Variants in TBC1D5 observed in about 807,000 individuals in gnomAD.
TBC1D5 encodes the protein TBC1 domain family member 5.
Under a neutral mutation model 100.3 loss-of-function variants are expected in TBC1D5, and 75 were observed. The observed-to-expected ratio is 0.75, with a 90% CI of 0.62 to 0.91. TBC1D5 has a LOEUF of 0.91. Ranked by LOEUF, TBC1D5 falls within the 40% of genes least tolerant of loss-of-function variation. The pLI is 0.00. For missense variants in TBC1D5, 910 were observed against 942.4 expected, an observed-to-expected ratio of 0.97 and a Z score of 0.45; for synonymous variants, 323 against 325.6, an observed-to-expected ratio of 0.99 and a Z score of 0.09.
chr3:17,474,601 C>T (rs980070077), intron 3 of TBC1D5, among the ~76,000 whole-genome samples: 1 of 152,114 alleles, frequency 6.6e-6, no homozygotes, highest in Non-Finnish European at 1.5e-5. Context: ...CGACTCCAAT[C>T]TTCAGAAGAT....
chr3:17,419,997 A>G (rs1473868541), intron 4 of TBC1D5, among the ~76,000 whole-genome samples: 2 of 152,002 alleles, frequency 1.3e-5, no homozygotes, highest in Non-Finnish European at 2.9e-5. Flanking sequence ...GCCTTCCCCT[A>G]GTTCTTGATA....
chr3:17,507,252 C>T (rs73153070), intron 3 of TBC1D5, among the ~76,000 whole-genome samples: 10,468 of 152,020 alleles, frequency 0.069, 707 homozygotes, highest in African/African-American at 0.18. Flanking sequence ...GGTGTCATGC[C>T]TAGCACTGAG....
intron 8 of TBC1D5, among the ~76,000 whole-genome samples, chr3:17,402,525 A>G (rs2093673885): frequency 6.6e-6 from 1 of 152,122 alleles, no homozygotes; most frequent in African/African-American, 2.4e-5. Flanking sequence ...ATCCCCATTT[A>G]ACACAAGAGG....
chr3:17,544,650 GA>G (rs11294217), intron 2 of TBC1D5, among the ~76,000 whole-genome samples: 2,781 of 86,196 alleles, frequency 0.032, 89 homozygotes, highest in African/African-American at 0.1. Flanking sequence ...GACTCCGTCT[GA>G]AAAAAAAAAA....
At chr3:17,229,626 G>A (rs62249396) in intron 17 of TBC1D5, among the ~76,000 whole-genome samples, 5,558 of 152,176 alleles carry the variant, frequency 0.037, 108 homozygotes, top group Middle Eastern at 0.071. Context: ...CTATGCAACA[G>A]GTGCTGTGAT....
chr3:17,360,316 A>G (rs2091585599), intron 13 of TBC1D5, among the ~76,000 whole-genome samples: 1 of 152,060 alleles, frequency 6.6e-6, no homozygotes. Context: ...CAACCACTGT[A>G]AAGTCACAGT....
chr3:17,541,724 G>C (rs758383247), intron 2 of TBC1D5, among the ~76,000 whole-genome samples: 1 of 151,990 alleles, frequency 6.6e-6, no homozygotes, highest in Non-Finnish European at 1.5e-5. Flanking sequence ...TTACTATGTT[G>C]AACAGAAATA....
At chr3:17,398,745 T>C (rs77667848) in intron 8 of TBC1D5, among the ~76,000 whole-genome samples, 2 of 41,200 alleles carry the variant, frequency 4.9e-5, no homozygotes, top group African/African-American at 5.6e-4. Flanking sequence ...TGCATTGTAA[T>C]TTTTTTTTCC....
chr3:17,618,954 G>A (rs937555299), intron 2 of TBC1D5, among the ~76,000 whole-genome samples: 18 of 152,208 alleles, frequency 1.2e-4, no homozygotes, highest in Non-Finnish European at 2.2e-4. Flanking sequence ...ACCTCAGTTG[G>A]AAATGCAGAT....
chr3:17,433,633 C>G (rs1295575457), intron 3 of TBC1D5, among the ~76,000 whole-genome samples: 3 of 151,996 alleles, frequency 2.0e-5, no homozygotes, highest in Non-Finnish European at 4.4e-5. Context: ...GGGGCACGGC[C>G]CAACCATATC....
chr3:17,678,458 G>A (rs1460523298), intron 1 of TBC1D5, among the ~76,000 whole-genome samples: 1 of 152,016 alleles, frequency 6.6e-6, no homozygotes, highest in Non-Finnish European at 1.5e-5. Context: ...AAAAGTGGAA[G>A]TGGAGAGAAA....
intron 2 of TBC1D5, among the ~76,000 whole-genome samples, chr3:17,605,518 C>T (rs911657454): frequency 1.3e-5 from 2 of 152,162 alleles, no homozygotes; most frequent in African/African-American, 2.4e-5. Flanking sequence ...ATTTAATCAT[C>T]CCACAAACGT....
exon 13 of TBC1D5, chr3:17,372,172 T>C (rs746857607): frequency 1.2e-6 from 2 of 1,613,874 alleles, no homozygotes; most frequent in South Asian, 2.2e-5. Context: ...TGGTTGACTT[T>C]AGTAACAATA....
At chr3:17,721,807 C>T (rs1057323458) in intron 1 of TBC1D5, among the ~76,000 whole-genome samples, 5 of 151,804 alleles carry the variant, frequency 3.3e-5, no homozygotes, top group Non-Finnish European at 5.9e-5. Flanking sequence ...ATGGCAAGAC[C>T]CCATCTCTAC....
chr3:17,585,637 T>A (rs1169065174), intron 2 of TBC1D5, among the ~76,000 whole-genome samples: 1 of 152,114 alleles, frequency 6.6e-6, no homozygotes, highest in Non-Finnish European at 1.5e-5. Context: ...TCTCATTTCT[T>A]TTACTCTCCC....
intron 1 of TBC1D5, chr3:17,706,067 C>T: frequency 1.9e-6 from 3 of 1,598,142 alleles, no homozygotes; most frequent in Non-Finnish European, 2.6e-6. Context: ...ACTGATTTCC[C>T]CCGACCCCAG....
intron 13 of TBC1D5, among the ~76,000 whole-genome samples, chr3:17,355,675 C>A (rs1007259487): frequency 2.0e-5 from 3 of 151,912 alleles, no homozygotes; most frequent in East Asian, 3.9e-4. Context: ...AAAATTTATA[C>A]ATGAAATGAA....
At chr3:17,477,140 C>A (rs2095447156) in intron 3 of TBC1D5, among the ~76,000 whole-genome samples, 1 of 151,782 alleles carries the variant, frequency 6.6e-6, no homozygotes, top group Non-Finnish European at 1.5e-5. Flanking sequence ...TTTAATGTTT[C>A]CCCTACAACT....
At chr3:17,160,854 G>T in exon 22 of TBC1D5, 3 of 1,361,434 alleles carry the variant, frequency 2.2e-6, no homozygotes, top group Non-Finnish European at 3.0e-6. Flanking sequence ...AATGCATGCC[G>T]GGAAGGAAGC....
Sources: allele counts gnomAD v4.1 joint callset (sites outside exome capture counted in the v4.1 genomes callset), GRCh38; gene constraint gnomAD v4.1.1; transcripts MANE v1.5; gene names NCBI Gene and HGNC (gene_info 2026-07-23, HGNC 2026-07-21).